The following ZNF362 variants were observed in gnomAD, a reference collection of about 807,000 sequenced individuals.
ZNF362 encodes rotund homolog.
ZNF362 carries 11 observed loss-of-function variants against 42.9 expected under a neutral mutation model. The observed-to-expected ratio is 0.26, with a 90% CI of 0.16 to 0.42. The LOEUF (loss-of-function observed/expected upper bound fraction) is 0.42, where lower values mean the gene tolerates loss of function less well. Ranked by LOEUF, ZNF362 falls within the 20% of genes least tolerant of loss-of-function variation. ZNF362 has a pLI of 1.00. For synonymous variants in ZNF362, 255 were observed against 257.3 expected (o/e 0.99, Z 0.09); for missense variants, 362 against 576.2 (o/e 0.63, Z 3.81).
the ZNF362 span, among the ~76,000 whole-genome samples, chr1:33,157,368 C>T: frequency 6.6e-6 from 1 of 152,096 alleles, no homozygotes; most frequent in Non-Finnish European, 1.5e-5. Context: ...CACTCTTCCT[C>T]CAGATACCTA....
At chr1:33,136,918 A>C in the ZNF362 span, among the ~76,000 whole-genome samples, 7 of 151,074 alleles carry the variant, frequency 4.6e-5, no homozygotes, top group Non-Finnish European at 8.8e-5. Context: ...AATTGCTTGA[A>C]CCCAGGAGGC....
At chr1:33,162,399 C>T in the ZNF362 span, among the ~76,000 whole-genome samples, 1 of 152,228 alleles carries the variant, frequency 6.6e-6, no homozygotes, top group South Asian at 2.1e-4. Context: ...TCCTCTCTTT[C>T]AGGCACTTGG....
chr1:33,196,213 C>T, the ZNF362 span: 9 of 152,064 alleles, frequency 5.9e-5, no homozygotes, highest in Admixed American at 1.3e-4. Flanking sequence ...AACCCTGTCT[C>T]TACTAAAAAT....
At chr1:33,187,476 G>T in the ZNF362 span, among the ~76,000 whole-genome samples, 1 of 152,290 alleles carries the variant, frequency 6.6e-6, no homozygotes, top group African/African-American at 2.4e-5. Context: ...AAGAGGAAGA[G>T]GTAGAAAGGA....
chr1:33,191,343 G>C, the ZNF362 span, among the ~76,000 whole-genome samples: 148,211 of 152,278 alleles, frequency 0.97, 72,215 homozygotes, highest in East Asian at 1. Flanking sequence ...AGGAGACTTC[G>C]TCCTTATCAA....
chr1:33,162,328 TG>T, the ZNF362 span, among the ~76,000 whole-genome samples: 1 of 152,210 alleles, frequency 6.6e-6, no homozygotes, highest in Admixed American at 6.5e-5. Context: ...TGTATTCAAC[TG>T]GCAAACTCCT....
the ZNF362 span, among the ~76,000 whole-genome samples, chr1:33,248,649 TCTC>T: frequency 6.6e-6 from 1 of 152,196 alleles, no homozygotes; most frequent in East Asian, 1.9e-4. Context: ...GCCCCAGTTT[TCTC>T]CTCCCGGCAC....
chr1:33,224,745 T>C, the ZNF362 span, among the ~76,000 whole-genome samples: 127 of 152,242 alleles, frequency 8.3e-4, no homozygotes, highest in Middle Eastern at 3.4e-3. Flanking sequence ...TTTGAAGAGA[T>C]GATGGTTGAG....
At chr1:33,181,680 A>C in the ZNF362 span, 1 of 586,084 alleles carries the variant, frequency 1.7e-6, no homozygotes, top group Non-Finnish European at 2.8e-6. This position sits in a 1 kb window ranked among gnomAD's most constrained non-coding sequence, Gnocchi z 6.5. Context: ...GCTCAAGGCG[A>C]TGGGCGCTGG....
chr1:33,255,751 C>A (rs975177835), upstream of ZNF362, among the ~76,000 whole-genome samples: 1 of 152,128 alleles, frequency 6.6e-6, no homozygotes, highest in African/African-American at 2.4e-5. Flanking sequence ...AACTTCTACT[C>A]CCCACCCCTA....
the ZNF362 span, among the ~76,000 whole-genome samples, chr1:33,226,079 A>C: frequency 6.6e-6 from 1 of 152,130 alleles, no homozygotes; most frequent in Non-Finnish European, 1.5e-5. Context: ...AGCCCCCAGG[A>C]GGCACATACC....
intron 8 of ZNF362, among the ~76,000 whole-genome samples, chr1:33,296,824 GTTTT>G (rs10595778): frequency 7.4e-6 from 1 of 135,512 alleles, no homozygotes; most frequent in Non-Finnish European, 1.6e-5. Context: ...GTCAGGAAGG[GTTTT>G]TTTTTTTTTT....
chr1:33,256,903 AGTGTGTGTGCGTGT>A (rs1258270427), intron 1 of ZNF362, among the ~76,000 whole-genome samples: 3 of 148,754 alleles, frequency 2.0e-5, no homozygotes, highest in South Asian at 2.1e-4. Context: ...CTGGTCTCCG[AGTGTGTGTGCGTGT>A]GTGTGTGTGC....
the ZNF362 span, among the ~76,000 whole-genome samples, chr1:33,149,792 G>C: frequency 1.5e-4 from 23 of 152,272 alleles, no homozygotes; most frequent in African/African-American, 5.3e-4. Context: ...TGATACTGGC[G>C]TGGGGTATTA....
Position 33,299,993 on chromosome 1 carries a change from C to T in ZNF362, c.*947C>T, listed in dbSNP as rs1646155028. 2 of 152,558 alleles carry T rather than the reference C, an allele frequency of 1.3e-5. No homozygotes were observed. The highest frequency in any genetic ancestry group is 2.1e-4 in the South Asian group (1 of 4,826). The allele number at this position is 152,558 out of a possible 1,614,324, so 9.5% of individuals were successfully genotyped here. On this transcript the variant is annotated 3_prime_UTR_variant, in exon 9 of 9. Coordinates refer to ENST00000539719, the MANE Select transcript of ZNF362 (RefSeq NM_152493.3). ...GGAGTGGGAATCCCCAGCCGAGGCC[C>T]TAGGCCCCTCAGCAGGGAAGGGATC...
At chr1:33,219,050 C>A in the ZNF362 span, among the ~76,000 whole-genome samples, 1 of 151,986 alleles carries the variant, frequency 6.6e-6, no homozygotes, top group African/African-American at 2.4e-5. Flanking sequence ...TTCACTGACC[C>A]TTAAGGGCCC....
chr1:33,235,990 A>G, the ZNF362 span, among the ~76,000 whole-genome samples: 1 of 152,190 alleles, frequency 6.6e-6, no homozygotes, highest in Non-Finnish European at 1.5e-5. Flanking sequence ...GTGTTAGGGT[A>G]GACCTTAGAG....
At chr1:33,221,886 C>T in the ZNF362 span, among the ~76,000 whole-genome samples, 1 of 152,094 alleles carries the variant, frequency 6.6e-6, no homozygotes, top group Non-Finnish European at 1.5e-5. Flanking sequence ...GGGAAGGCTG[C>T]CTTTCTTCCT....
At chr1:33,274,242 G>A (rs528722281) in intron 2 of ZNF362, among the ~76,000 whole-genome samples, 21 of 152,336 alleles carry the variant, frequency 1.4e-4, no homozygotes, top group Admixed American at 1.3e-4. Context: ...ATTAGAGTGG[G>A]AATCTCAGCT....
Sources: gnomAD v4.1 joint callset for allele counts (sites outside exome capture counted in the v4.1 genomes callset) on GRCh38, gnomAD v4.1.1 for gene constraint, Gnocchi (gnomAD v3.1) non-coding constraint, MANE v1.5 for transcripts, NCBI Gene and HGNC (gene_info 2026-07-23, HGNC 2026-07-21) for gene names.